Variants in PAM observed in about 807,000 individuals in gnomAD.
PAM encodes the protein peptidylglycine alpha-amidating monooxygenase, also known as peptidyl-glycine alpha-amidating monooxygenase.
PAM carries 72 observed loss-of-function variants against 122.1 expected under a neutral mutation model. That is an observed-to-expected ratio of 0.59 (90% CI 0.49 to 0.72). The LOEUF (loss-of-function observed/expected upper bound fraction) is 0.72. Among genes scored for constraint, PAM ranks in the 30% least tolerant of loss-of-function variants. The pLI is 0.00. For synonymous variants in PAM, 389 were observed against 404.4 expected, an observed-to-expected ratio of 0.96 and a Z score of 0.46; for missense variants, 1,106 against 1,183.7, an observed-to-expected ratio of 0.93 and a Z score of 0.96.
At chr5:102,905,055 A>G (rs1045844200) in intron 4 of PAM, among the ~76,000 whole-genome samples, 1 of 151,722 alleles carries the variant, frequency 6.6e-6, no homozygotes, top group African/African-American at 2.4e-5. Flanking sequence ...AATATGTTTT[A>G]TATTTTGAAC....
At chr5:102,768,171 T>C (rs1000309150) in intron 1 of PAM, among the ~76,000 whole-genome samples, 4 of 152,164 alleles carry the variant, frequency 2.6e-5, no homozygotes, top group African/African-American at 7.2e-5. Flanking sequence ...GATTCATACC[T>C]AACCATGTCT....
At chr5:102,771,027 T>G (rs1755634761) in intron 1 of PAM, among the ~76,000 whole-genome samples, 1 of 152,132 alleles carries the variant, frequency 6.6e-6, no homozygotes, top group Non-Finnish European at 1.5e-5. Flanking sequence ...TTTTTAAACC[T>G]GCTGTTACAG....
chr5:102,816,733 G>C (rs1769933562), intron 1 of PAM, among the ~76,000 whole-genome samples: 1 of 151,990 alleles, frequency 6.6e-6, no homozygotes, highest in South Asian at 2.1e-4. Flanking sequence ...TCTAAAAGTT[G>C]GAGTATCCTA....
At position 102,885,082 on chromosome 5, in the gene PAM, T is replaced by TAC. The variant is rs1491303935; in HGVS notation, c.211-16273_211-16272insCA. Among the ~76,000 whole-genome samples the TAC allele has an allele frequency of 5.4e-5, 8 of 146,854 alleles. 1 individual carries two copies. In the East Asian group the frequency reaches 7.9e-4, roughly 14 times the overall value. On this transcript the variant is annotated intron_variant, in intron 3 of 25. Transcript: ENST00000438793. ...CACTTTAGCAACCTTGTTTAATAACTATATATATATATAACTATAAAAGCT... is the reference window on the plus strand; with the variant it reads ...CACTTTAGCAACCTTGTTTAATAACTACATATATATATATAACTATAAAAGCT...
intron 1 of PAM, among the ~76,000 whole-genome samples, chr5:102,782,090 T>C (rs1422109961): frequency 6.6e-6 from 1 of 152,248 alleles, no homozygotes; most frequent in Non-Finnish European, 1.5e-5. Context: ...TCCTTGCTCA[T>C]GAAATGGATA....
At chr5:102,771,794 G>C (rs758412013) in intron 1 of PAM, among the ~76,000 whole-genome samples, 1 of 152,106 alleles carries the variant, frequency 6.6e-6, no homozygotes. Context: ...TTTTGTAATG[G>C]TTTGTCACCC....
intron 5 of PAM, among the ~76,000 whole-genome samples, chr5:102,919,374 C>G (rs1694394575): frequency 6.6e-6 from 1 of 151,950 alleles, no homozygotes; most frequent in Non-Finnish European, 1.5e-5. Flanking sequence ...TGCCTCCCTC[C>G]CAGTGATAAT....
intron 1 of PAM, among the ~76,000 whole-genome samples, chr5:102,759,964 G>A (rs1328811524): frequency 1.3e-5 from 2 of 152,138 alleles, no homozygotes; most frequent in Non-Finnish European, 2.9e-5. Flanking sequence ...TAAAAGCAAG[G>A]TATTCAAGCA....
chr5:103,022,085 A>G (rs1214354968), intron 23 of PAM, among the ~76,000 whole-genome samples: 1 of 151,990 alleles, frequency 6.6e-6, no homozygotes, highest in African/African-American at 2.4e-5. Flanking sequence ...TCACCAAAGC[A>G]TAGCTCTCAC....
chr5:103,015,322 C>T (rs147915489), intron 21 of PAM, among the ~76,000 whole-genome samples: 6 of 152,082 alleles, frequency 3.9e-5, no homozygotes, highest in South Asian at 2.1e-4. Flanking sequence ...GAGTAGAACA[C>T]GAATTTCCTT....
intron 3 of PAM, among the ~76,000 whole-genome samples, chr5:102,883,127 A>T (rs1257850498): frequency 1.3e-5 from 2 of 151,870 alleles, no homozygotes; most frequent in Admixed American, 6.6e-5. Context: ...ACGGCCTCAT[A>T]GTATAGTTTG....
At chr5:102,979,073 T>C (rs1380275957) in intron 15 of PAM, among the ~76,000 whole-genome samples, 1 of 146,764 alleles carries the variant, frequency 6.8e-6, no homozygotes, top group African/African-American at 2.7e-5. Context: ...CACACACACA[T>C]ACACACAAAC....
chr5:102,886,602 T>C (rs2151209730), intron 3 of PAM, among the ~76,000 whole-genome samples: 1 of 152,152 alleles, frequency 6.6e-6, no homozygotes, highest in Non-Finnish European at 1.5e-5. Context: ...CTCACAGTGA[T>C]CTGATCTGAG....
chr5:102,993,767 G>C (rs1425544599), intron 16 of PAM, among the ~76,000 whole-genome samples: 1 of 152,018 alleles, frequency 6.6e-6, no homozygotes, highest in Non-Finnish European at 1.5e-5. Context: ...CTCTCCATTT[G>C]CAGGTTCAAT....
At chr5:103,005,801 C>T (rs1778778083) in intron 18 of PAM, among the ~76,000 whole-genome samples, 1 of 152,220 alleles carries the variant, frequency 6.6e-6, no homozygotes, top group South Asian at 2.1e-4. Context: ...GATGAAGTCA[C>T]ATTTGTCCCT....
intron 1 of PAM, among the ~76,000 whole-genome samples, chr5:102,771,054 T>C (rs1755651864): frequency 6.6e-6 from 1 of 152,150 alleles, no homozygotes; most frequent in African/African-American, 2.4e-5. Context: ...ATATAATATT[T>C]TGTACAGTGG....
downstream of PAM, chr5:103,030,054 C>T (rs957918534): frequency 1.3e-5 from 2 of 152,134 alleles, no homozygotes; most frequent in African/African-American, 2.4e-5. Flanking sequence ...GTAGGGATCA[C>T]TAATAATAGT....
At chr5:102,964,855 A>G (rs998079563) in intron 14 of PAM, among the ~76,000 whole-genome samples, 1 of 151,796 alleles carries the variant, frequency 6.6e-6, no homozygotes, top group African/African-American at 2.4e-5. Flanking sequence ...GTGATTTTTA[A>G]TGGCTGCATA....
intron 1 of PAM, among the ~76,000 whole-genome samples, chr5:102,830,736 C>T (rs937473800): frequency 1.3e-5 from 2 of 152,202 alleles, no homozygotes; most frequent in African/African-American, 2.4e-5. Flanking sequence ...TGGCCCATGC[C>T]TATTTCCCCT....
Sources: gnomAD v4.1 joint callset for allele counts (sites outside exome capture counted in the v4.1 genomes callset) on GRCh38, gnomAD v4.1.1 for gene constraint, MANE v1.5 for transcripts, NCBI Gene and HGNC (gene_info 2026-07-23, HGNC 2026-07-21) for gene names.